Variants in MUC17 observed in about 807,000 individuals in gnomAD.
MUC17 encodes the protein mucin 17, cell surface associated.
Under a neutral mutation model 170.3 loss-of-function variants are expected in MUC17, and 190 were observed. The ratio of observed to expected loss-of-function variants is 1.12; its 90% confidence interval spans 0.99 to 1.26. MUC17 has a LOEUF of 1.26. MUC17 is among the 50% of genes most tolerant of loss of function. The pLI, the probability that MUC17 is intolerant of heterozygous loss-of-function variation, is 0.00. For missense variants in MUC17, 6,415 were observed against 5,530.0 expected, an observed-to-expected ratio of 1.16 and a Z score of -5.08; for synonymous variants, 2,325 against 2,002.5, an observed-to-expected ratio of 1.16 and a Z score of -4.30.
chr7:101,053,018 G>C lies in MUC17; in HGVS notation c.13136G>C (p.Gly4379Ala), dbSNP rs1794978554. Residue 4379 changes from glycine (G) to alanine (A), a missense_variant, in exon 10 of 13, where the codon GGG becomes GCG. Coordinates refer to ENST00000306151, the MANE Select transcript of MUC17 (RefSeq NM_001040105.2). Reference sequence around the variant, plus strand: ...ACCACGGAAACTCACTGGTACAGTGGGGAGACCTGTAACCAGGGCACCCAG... The same window carrying C: ...ACCACGGAAACTCACTGGTACAGTGCGGAGACCTGTAACCAGGGCACCCAG... ...CVTTETHWYSGETCNQGTQKS... is the reference protein window; with the variant it reads ...CVTTETHWYSAETCNQGTQKS... 1.2e-6 allele frequency: 2 copies of C among 1,613,972 alleles called. No individual in the cohort carries two copies. The highest frequency in any genetic ancestry group is 1.1e-5 in the South Asian group (1 of 91,074).
chr7:101,050,513 T>A lies in MUC17; in HGVS notation c.12752T>A (p.Val4251Asp). 6.2e-7 allele frequency: 1 copy of A among 1,613,978 alleles called. No individual in the cohort carries two copies. The highest frequency in any genetic ancestry group is 8.5e-7 in the Non-Finnish European group (1 of 1,179,916). ...RLGSVVVEHD[V>D]LLRTKYTPEY... ...GGCAGTGTGGTGGTGGAGCATGACG[T>A]CCTCCTAAGAACCAAGTACACACCA... The change falls in exon 7 of 13, where the codon GTC (valine) becomes GAC (aspartate). Residue 4251 changes from valine to aspartate, a missense_variant. Val to Asp is a radical substitution (Grantham distance 152). Coordinates refer to ENST00000306151, the MANE Select transcript of MUC17 (RefSeq NM_001040105.2).
At position 101,036,702 on chromosome 7, in the gene MUC17, C is replaced by G; in HGVS notation, c.5286C>G (p.Leu1762=). 6.2e-7 allele frequency: 1 copy of G among 1,613,294 alleles called. No homozygotes were observed. Among genetic ancestry groups the G allele is most frequent in the South Asian group, 1.1e-5 (1 of 91,016 alleles). ...TSIPVSTTPV[L]SSEASTLSAT... ...TACCTGTCAGCACCACGCCGGTACTCAGTTCTGAGGCTAGCACCCTTTCAG... is the reference window on the plus strand; with the variant it reads ...TACCTGTCAGCACCACGCCGGTACTGAGTTCTGAGGCTAGCACCCTTTCAG... Residue 1762 remains leucine, a synonymous_variant, in exon 3 of 13, where the codon CTC becomes CTG. Coordinates refer to ENST00000306151, the MANE Select transcript of MUC17 (RefSeq NM_001040105.2).
rs563806733 is a variant in MUC17, at chr7:101,034,218, G to A, written c.2802G>A (p.Thr934=). Residue 934 remains threonine (T), a synonymous_variant, in exon 3 of 13, where the codon ACG becomes ACA. Coordinates refer to ENST00000306151, the MANE Select transcript of MUC17 (RefSeq NM_001040105.2). Reference sequence around the variant, plus strand: ...TAACAAGTATGCCTGACAGCACCACGCCGGTAGTCAGTTCTGAGGCTAGAA... The same window carrying A: ...TAACAAGTATGCCTGACAGCACCACACCGGTAGTCAGTTCTGAGGCTAGAA... The part of the protein sequence containing the change: ...TPLTSMPDST[T]PVVSSEARTL... 24 of 1,598,248 alleles carry A rather than the reference G, an allele frequency of 1.5e-5. No individual in the cohort carries two copies. The highest frequency in any genetic ancestry group is 6.9e-5 in the East Asian group (3 of 43,416).
At chr7:101,020,283 C>A in intron 1 of MUC17, 66 bp downstream of exon 1, 2 of 1,416,776 alleles carry the variant, frequency 1.4e-6, no homozygotes, top group Non-Finnish European at 1.9e-6. Flanking sequence ...GCTCTGTCTG[C>A]CCATCCCCGA....
Position 101,040,731 on chromosome 7 carries a change from T to C in MUC17, c.9315T>C (p.Thr3105=), listed in dbSNP as rs1228412175. 5 of 1,613,004 alleles carry C rather than the reference T, an allele frequency of 3.1e-6. 1 individual carries two copies. The highest frequency in any genetic ancestry group is 3.3e-5 in the Admixed American group (2 of 59,722). The change falls in exon 3 of 13, where the codon ACT becomes ACC. Residue 3105 remains threonine (T), a synonymous_variant. Transcript: ENST00000306151. ...MPISTYSEGS[T]PLTGVPVSTT... ...TCTCAACTTATAGTGAAGGAAGCAC[T>C]CCATTAACAGGTGTGCCTGTCAGCA...
At position 101,038,990 on chromosome 7, in the gene MUC17, C is replaced by G. The variant is rs759930857; in HGVS notation, c.7574C>G (p.Thr2525Arg). Residue 2525 changes from threonine (T) to arginine (R), a missense_variant, in exon 3 of 13, where the codon ACG becomes AGG. Physicochemically the swap from Thr to Arg is moderately conservative, Grantham distance 71. Coordinates refer to ENST00000306151, the MANE Select transcript of MUC17 (RefSeq NM_001040105.2). ...TTAACAAGTATACCTGTCAGCACCACGCCAGTGGCCAGTCCTGAGGCTAGC... is the reference window on the plus strand; with the variant it reads ...TTAACAAGTATACCTGTCAGCACCAGGCCAGTGGCCAGTCCTGAGGCTAGC... Reference protein sequence around the residue: ...TLLTSIPVSTTPVASPEASTL... With the variant: ...TLLTSIPVSTRPVASPEASTL... 4 of 1,613,478 alleles carry G rather than the reference C, an allele frequency of 2.5e-6. No individual in the cohort carries two copies. Among genetic ancestry groups the G allele is most frequent in the African/African-American group, 2.7e-5 (2 of 74,832 alleles).
In MUC17 at chr7:101,035,428, C is replaced by T; in HGVS notation, c.4012C>T (p.Pro1338Ser). The change falls in exon 3 of 13, where the codon CCT (proline) becomes TCT (serine). Residue 1338 changes from proline (P) to serine (S), a missense_variant. By Grantham distance (74) the Pro-to-Ser change is moderately conservative. Transcript: ENST00000306151. ...CTCAACTTATAGTGAAGGAAGAACT[C>T]CTTTAACAAGTATACCTGTCAACAC... ...PTSTYSEGRT[P>S]LTSIPVNTTL... is the part of the protein sequence containing the mutation. 6.2e-7 allele frequency: 1 copy of T among 1,603,482 alleles called. No homozygotes were observed. Among genetic ancestry groups the T allele is most frequent in the Middle Eastern group, 1.7e-4 (1 of 6,006 alleles).
Position 101,037,944 on chromosome 7 carries a change from T to G in MUC17, c.6528T>G (p.Ser2176=), listed in dbSNP as rs778234139. ...MPVSTTVVAS[S]AISTLSTTPV... Reference sequence around the variant, plus strand: ...TCAGCACCACAGTGGTGGCCAGTTCTGCAATCAGCACCCTTTCAACAACTC... The same window carrying G: ...TCAGCACCACAGTGGTGGCCAGTTCGGCAATCAGCACCCTTTCAACAACTC... Residue 2176 remains serine (S), a synonymous_variant, in exon 3 of 13, where the codon TCT becomes TCG. Coordinates refer to ENST00000306151, the MANE Select transcript of MUC17 (RefSeq NM_001040105.2). The G allele has an allele frequency of 6.2e-7, 1 of 1,612,330 alleles. No individual in the cohort carries two copies. The highest frequency in any genetic ancestry group is 1.1e-5 in the South Asian group (1 of 90,946).
chr7:101,020,542 C>G (rs867807130), intron 1 of MUC17, among the ~76,000 whole-genome samples: 1 of 152,074 alleles, frequency 6.6e-6, no homozygotes, highest in South Asian at 2.1e-4. Flanking sequence ...AGCTCCCCCC[C>G]CGAGGCATGA....
intron 1 of MUC17, among the ~76,000 whole-genome samples, chr7:101,026,869 C>A (rs1336231099): frequency 6.6e-6 from 1 of 152,200 alleles, no homozygotes; most frequent in African/African-American, 2.4e-5. Flanking sequence ...CACGCACCAC[C>A]ATGCCCAGCT....
chr7:101,047,957 A>G, intron 3 of MUC17, 27 bp from the exon 4 acceptor site: 1 of 1,549,008 alleles, frequency 6.5e-7, no homozygotes, highest in Non-Finnish European at 8.7e-7. Context: ...GGAACTTGGA[A>G]AGAAAACTTC....
chr7:101,048,237 T>TTTTTGTTTTG (rs377501851), intron 4 of MUC17, 122 bp downstream of exon 4: 1 of 1,038,344 alleles, frequency 9.6e-7, no homozygotes, highest in Non-Finnish European at 1.3e-6. Flanking sequence ...GCTGTGGTGT[T>TTTTTGTTTTG]TTTTGTTTTG....
intron 11 of MUC17, among the ~76,000 whole-genome samples, chr7:101,054,866 C>A (rs1467380774): frequency 6.6e-6 from 1 of 152,068 alleles, no homozygotes. Context: ...GTAATCCTAG[C>A]ACTTTGGGAG....
At position 101,041,770 on chromosome 7, in the gene MUC17, A is replaced by G. The variant is rs750326366; in HGVS notation, c.10354A>G (p.Thr3452Ala). The change falls in exon 3 of 13, where the codon ACT (threonine) becomes GCT (alanine). Residue 3452 changes from threonine (T) to alanine (A), a missense_variant. Physicochemically the swap from Thr to Ala is moderately conservative, Grantham distance 58. Transcript: ENST00000306151. ...TGAAGGTACCAGCTTGCCAACCTCA[A>G]CTACTAGTGAAGGAAGCACTCCATT... is the stretch of plus-strand genomic sequence containing the variant. ...IAEGTSLPTS[T>A]TSEGSTPLSI... The G allele has an allele frequency of 1.9e-6, 3 of 1,613,794 alleles. No homozygotes were observed. Among genetic ancestry groups the G allele is most frequent in the Middle Eastern group, 1.7e-4 (1 of 6,060 alleles).
chr7:101,039,485 G>A lies in MUC17; in HGVS notation c.8069G>A (p.Arg2690Lys). Residue 2690 changes from arginine to lysine, a missense_variant, in exon 3 of 13, where the codon AGA (arginine) becomes AAA (lysine). Transcript: ENST00000306151. ...ATGCCAACCTCAACTCCTGGTGAAA[G>A]AAGCACTCCATTAACAAATATACTT... The part of the protein sequence containing the change: ...SSMPTSTPGE[R>K]STPLTNILVS... 6.2e-7 allele frequency: 1 copy of A among 1,608,522 alleles called. No homozygotes were observed. Among genetic ancestry groups the A allele is most frequent in the Non-Finnish European group, 8.5e-7 (1 of 1,178,166 alleles).
At chr7:101,051,763 T>C (rs779333408) in intron 8 of MUC17, 40 bp from the exon 9 acceptor site, 2 of 1,606,592 alleles carry the variant, frequency 1.2e-6, no homozygotes, top group South Asian at 2.2e-5. Context: ...CCCCCAGCCC[T>C]CTGATCACGG....
At chr7:101,057,898 A>G (rs1795076038) in intron 12 of MUC17, 105 bp from the exon 13 acceptor site, 1 of 958,252 alleles carries the variant, frequency 1.0e-6, no homozygotes, top group African/African-American at 1.7e-5. Context: ...AATAAAAAAT[A>G]AAAATAATTA....
At position 101,036,585 on chromosome 7, in the gene MUC17, T is replaced by G. The variant is rs1057124412; in HGVS notation, c.5169T>G (p.Thr1723=). Reference sequence around the variant, plus strand: ...TTGACAACAGCACACCTGTGACCACTTCTACTGAAGCCCGTTCATCTCCTA... The same window carrying G: ...TTGACAACAGCACACCTGTGACCACGTCTACTGAAGCCCGTTCATCTCCTA... ...TPVDNSTPVT[T]STEARSSPTT... Residue 1723 remains threonine (T), a synonymous_variant, in exon 3 of 13, where the codon ACT becomes ACG. Coordinates refer to ENST00000306151, the MANE Select transcript of MUC17 (RefSeq NM_001040105.2). 5.0e-6 allele frequency: 8 copies of G among 1,613,174 alleles called. No individual in the cohort carries two copies. Among genetic ancestry groups the G allele is most frequent in the Non-Finnish European group, 6.8e-6 (8 of 1,179,524 alleles).
In MUC17 at chr7:101,041,468, C is replaced by A. The variant is rs199645168; in HGVS notation, c.10052C>A (p.Pro3351Gln). ...PLTNMSFSTTPVVSSEASTLS... is the reference protein window; with the variant it reads ...PLTNMSFSTTQVVSSEASTLS... ...ACAAATATGTCTTTCAGCACCACGCCAGTGGTCAGTTCTGAGGCTAGCACC... is the reference window on the plus strand; with the variant it reads ...ACAAATATGTCTTTCAGCACCACGCAAGTGGTCAGTTCTGAGGCTAGCACC... Residue 3351 changes from proline to glutamine, a missense_variant, in exon 3 of 13, where the codon CCA becomes CAA. Pro to Gln is a moderately conservative substitution (Grantham distance 76). Coordinates refer to ENST00000306151, the MANE Select transcript of MUC17 (RefSeq NM_001040105.2). 1.9e-6 allele frequency: 3 copies of A among 1,613,664 alleles called. No homozygotes were observed. The East Asian group carries it at 6.7e-5, about 36-fold the overall frequency.
Sources: allele counts gnomAD v4.1 joint callset (sites outside exome capture counted in the v4.1 genomes callset), GRCh38; gene constraint gnomAD v4.1.1; transcripts MANE v1.5; gene names NCBI Gene and HGNC (gene_info 2026-07-23, HGNC 2026-07-21).